Variants in BBS2 observed in about 807,000 individuals in gnomAD.
The protein encoded by BBS2 is BBSome complex member BBS2.
A neutral mutation model predicts 83.0 loss-of-function variants in BBS2; 62 were observed. The ratio of observed to expected loss-of-function variants is 0.75; its 90% confidence interval spans 0.61 to 0.92. The LOEUF is 0.92. Among genes scored for constraint, BBS2 ranks in the 40% least tolerant of loss-of-function variants. The pLI is 0.00. For synonymous variants in BBS2, 303 were observed against 326.1 expected, an observed-to-expected ratio of 0.93 and a Z score of 0.76; for missense variants, 784 against 901.0, an observed-to-expected ratio of 0.87 and a Z score of 1.66.
chr16:56,514,368 A>C, intron 2 of BBS2, 85 bp downstream of exon 2: 1 of 1,321,452 alleles, frequency 7.6e-7, no homozygotes, highest in Non-Finnish European at 1.1e-6. Flanking sequence ...AAACAGACCA[A>C]AATAAATGAT....
chr16:56,497,839 G>C lies in BBS2; in HGVS notation c.1701C>G (p.Ile567Met). Residue 567 changes from isoleucine (I) to methionine (M), a missense_variant, in exon 14 of 17, where the codon ATC becomes ATG. Physicochemically the swap from Ile to Met is conservative, Grantham distance 10. Coordinates refer to ENST00000245157, the MANE Select transcript of BBS2 (RefSeq NM_031885.5). ...CAAAAAATGATGCCATTGACTGGAT[G>C]ATATCACCAGCCAAATCAATATCAT... is the stretch of plus-strand genomic sequence containing the variant. ...NTDDIDLAGDIIQSMASFFAI... is the reference protein window; with the variant it reads ...NTDDIDLAGDMIQSMASFFAI... 1 of 1,612,380 alleles carries C rather than the reference G, an allele frequency of 6.2e-7. No individual in the cohort carries two copies. The highest frequency in any genetic ancestry group is 1.1e-5 in the South Asian group (1 of 91,066).
At chr16:56,495,372 C>T (rs1358634403) in intron 15 of BBS2, among the ~76,000 whole-genome samples, 3 of 152,150 alleles carry the variant, frequency 2.0e-5, no homozygotes, top group African/African-American at 4.8e-5. Context: ...ACACTACTCA[C>T]GAAGTATTCT....
In BBS2 at chr16:56,510,847, T is replaced by G; in HGVS notation, c.534+12A>C. ...CTGAACACACAAGAGAGATATCTCCTCCCCCACATACCTCTTTCTTTCCAT... is the reference window on the plus strand; with the variant it reads ...CTGAACACACAAGAGAGATATCTCCGCCCCCACATACCTCTTTCTTTCCAT... On this transcript the variant is annotated intron_variant, in intron 4 of 16. Coordinates refer to ENST00000245157, the MANE Select transcript of BBS2 (RefSeq NM_031885.5). The G allele has an allele frequency of 6.2e-7, 1 of 1,613,358 alleles. No individual in the cohort carries two copies. Among genetic ancestry groups the G allele is most frequent in the Non-Finnish European group, 8.5e-7 (1 of 1,179,406 alleles).
chr16:56,515,702 C>A (rs1184718539), intron 1 of BBS2, among the ~76,000 whole-genome samples: 2 of 152,184 alleles, frequency 1.3e-5, no homozygotes, highest in African/African-American at 4.8e-5. Flanking sequence ...AAATAATTTT[C>A]AAAAGAATTG....
At chr16:56,499,131 G>A (rs1316105048) in intron 12 of BBS2, 2 of 187,512 alleles carry the variant, frequency 1.1e-5, no homozygotes, top group African/African-American at 4.8e-5. Context: ...AGGCCTTCTG[G>A]AAGGGCCCAC....
rs755810385 is a variant in BBS2 at position 56,476,013 on chromosome 16, T to C, written c.*1-5318A>G. 8.2e-6 allele frequency: 13 copies of C among 1,586,154 alleles called. No individual in the cohort carries two copies. The Admixed American group carries it at 2.3e-4, about 28-fold the overall frequency. The stretch of plus-strand genomic sequence containing the variant: ...CAAGATTTGAGAATAAGTTCTGTGT[T>C]CTGATGTGTCACTGTATTTGTCTTT... On this transcript the variant is annotated intron_variant, in intron 17 of 17. Coordinates refer to the BBS2 transcript ENST00000682047.
At chr16:56,488,995 G>T (rs1963864918) in intron 15 of BBS2, among the ~76,000 whole-genome samples, 1 of 152,042 alleles carries the variant, frequency 6.6e-6, no homozygotes, top group African/African-American at 2.4e-5. Context: ...TGCCCAGGCT[G>T]GTCTTGAGCT....
At chr16:56,511,343 A>T in intron 2 of BBS2, 59 bp from the exon 3 acceptor site, 1 of 1,606,314 alleles carries the variant, frequency 6.2e-7, no homozygotes, top group Non-Finnish European at 8.5e-7. Flanking sequence ...CCCACATATT[A>T]ATTGGGCCAA....
intron 7 of BBS2, among the ~76,000 whole-genome samples, chr16:56,505,360 G>A (rs2144160058): frequency 6.6e-6 from 1 of 152,296 alleles, no homozygotes; most frequent in East Asian, 1.9e-4. Flanking sequence ...ATCCCCTTCA[G>A]GCAATCCAAC....
chr16:56,515,286 G>A (rs1471955809), intron 1 of BBS2, among the ~76,000 whole-genome samples: 6 of 152,146 alleles, frequency 3.9e-5, no homozygotes, highest in Non-Finnish European at 5.9e-5. Context: ...AATATAATCT[G>A]AGTGTCTGCA....
Position 56,502,739 on chromosome 16 carries a change from C to T in BBS2, c.874G>A (p.Val292Met), listed in dbSNP as rs1401534181. 2.5e-6 allele frequency: 4 copies of T among 1,614,196 alleles called. No homozygotes were observed. Among genetic ancestry groups the T allele is most frequent in the Non-Finnish European group, 2.5e-6 (3 of 1,180,044 alleles). ...KDNFSSAIAG[V>M]VEGDYRMDGH... ...TCCATCCGGTAATCTCCCTCTACCACACCGGCAATTGCAGAAGAAAAATTG... is the reference window on the plus strand; with the variant it reads ...TCCATCCGGTAATCTCCCTCTACCATACCGGCAATTGCAGAAGAAAAATTG... Residue 292 changes from valine to methionine, a missense_variant, in exon 8 of 17, where the codon GTG becomes ATG. Val to Met is a conservative substitution (Grantham distance 21). Coordinates refer to ENST00000245157, the MANE Select transcript of BBS2 (RefSeq NM_031885.5).
Position 56,519,750 on chromosome 16 carries a change from C to A in BBS2, c.113G>T (p.Gly38Val). The A allele has an allele frequency of 6.2e-7, 1 of 1,612,800 alleles. No individual in the cohort carries two copies. Among genetic ancestry groups the A allele is most frequent in the Admixed American group, 1.7e-5 (1 of 59,990 alleles). ...HPCLAAATQT[G>V]KVFIHNPHTR... ...CCTGCGGGTGGGAGCGGTTACCTTG[C>A]CCGTTTGGGTGGCGGCCGCCAGGCA... is the stretch of plus-strand genomic sequence containing the variant. The change falls in exon 1 of 17, where the codon GGC becomes GTC. Residue 38 changes from glycine (G) to valine (V), a missense_variant. Gly to Val is a moderately radical substitution (Grantham distance 109, BLOSUM62 -3). Coordinates refer to ENST00000245157, the MANE Select transcript of BBS2 (RefSeq NM_031885.5).
At chr16:56,512,951 G>A (rs893493402) in intron 2 of BBS2, among the ~76,000 whole-genome samples, 1 of 152,158 alleles carries the variant, frequency 6.6e-6, no homozygotes, top group African/African-American at 2.4e-5. Context: ...CCAGGAGTTT[G>A]AGACCAGCCT....
chr16:56,519,878 G>A lies in BBS2; in HGVS notation c.-16C>T, dbSNP rs375253217. Reference sequence around the variant, plus strand: ...GCAGCAGCATGATGGCGGCGGCTTAGGGGAGGAGGGCTGGAAGCTGGAGAC... The same window carrying A: ...GCAGCAGCATGATGGCGGCGGCTTAAGGGAGGAGGGCTGGAAGCTGGAGAC... On this transcript the variant is annotated 5_prime_UTR_variant, in exon 1 of 17. Transcript: ENST00000245157. 2.7e-5 allele frequency: 44 copies of A among 1,601,910 alleles called. No homozygotes were observed. The Middle Eastern group carries it at 1.5e-3, about 54-fold the overall frequency.
intron 2 of BBS2, among the ~76,000 whole-genome samples, chr16:56,513,223 A>T (rs1597026495): frequency 6.6e-6 from 1 of 152,246 alleles, no homozygotes; most frequent in Non-Finnish European, 1.5e-5. Flanking sequence ...TAATCAGGGA[A>T]GTGGTCAAAG....
In BBS2 at chr16:56,488,296, C is replaced by G. The variant is rs151251149; in HGVS notation, c.1911-2558G>C. Among the ~76,000 whole-genome samples, 957 of 152,244 alleles carry G rather than the reference C, an allele frequency of 6.3e-3. 13 individuals are homozygous for G. The highest frequency in any genetic ancestry group is 0.022 in the African/African-American group (900 of 41,532). ...CCCCCGGAGACACTGTCAGATCTCA[C>G]AGATTAAGGGCTCAGTCCCACAAGA... is the stretch of plus-strand genomic sequence containing the variant. On this transcript the variant is annotated intron_variant, in intron 15 of 16. Transcript: ENST00000245157.
intron 15 of BBS2, among the ~76,000 whole-genome samples, chr16:56,486,939 G>C (rs1328177129): frequency 2.0e-5 from 3 of 151,356 alleles, no homozygotes; most frequent in African/African-American, 7.3e-5. Context: ...ATTTTTTGTA[G>C]TTTTAGTAGA....
intron 5 of BBS2, 92 bp downstream of exon 5, chr16:56,509,864 TG>T: frequency 1.5e-6 from 2 of 1,342,656 alleles, no homozygotes; most frequent in Non-Finnish European, 2.1e-6. Context: ...CACCTGGGTT[TG>T]GAGATGCCCC....
At chr16:56,473,576 G>T (rs759240633) in intron 17 of BBS2, among the ~76,000 whole-genome samples, 3 of 152,134 alleles carry the variant, frequency 2.0e-5, no homozygotes, top group Non-Finnish European at 2.9e-5. Flanking sequence ...ACATGATGAT[G>T]TTTTCATTCT....
Sources: gnomAD v4.1 joint callset for allele counts (sites outside exome capture counted in the v4.1 genomes callset) on GRCh38, gnomAD v4.1.1 for gene constraint, MANE v1.5 for transcripts, NCBI Gene and HGNC (gene_info 2026-07-23, HGNC 2026-07-21) for gene names.